Variants in KDM2B observed in about 807,000 individuals in gnomAD.
KDM2B encodes the protein lysine-specific demethylase 2B.
In KDM2B, 26 loss-of-function variants were observed where a neutral mutation model predicts 150.0. That is an observed-to-expected ratio of 0.17 (90% CI 0.13 to 0.24). The LOEUF is 0.24. Among genes scored for constraint, KDM2B ranks in the 10% least tolerant of loss-of-function variants. The probability of loss-of-function intolerance (pLI) is 1.00; values close to 1 mark genes in which losing one functional copy is unlikely to be tolerated. For missense variants in KDM2B, 1,265 were observed against 1,816.9 expected (o/e 0.70, Z 5.52); for synonymous variants, 734 against 729.5 (o/e 1.01, Z -0.10).
chr12:121,460,942 T>G (rs1879028752), intron 12 of KDM2B, among the ~76,000 whole-genome samples: 2 of 152,026 alleles, frequency 1.3e-5, no homozygotes, highest in Admixed American at 1.3e-4. Context: ...CATCTACAAG[T>G]GAGGAAACTG....
intron 11 of KDM2B, among the ~76,000 whole-genome samples, chr12:121,499,043 T>C (rs1392219560): frequency 6.6e-6 from 1 of 151,802 alleles, no homozygotes; most frequent in African/African-American, 2.4e-5. Flanking sequence ...ATTCCTACGG[T>C]CAACTGATCC....
At chr12:121,446,266 C>T (rs1007499655) in intron 13 of KDM2B, among the ~76,000 whole-genome samples, 13 of 152,142 alleles carry the variant, frequency 8.5e-5, no homozygotes, top group South Asian at 2.1e-4. Flanking sequence ...GGCGTGGTGG[C>T]GGGCGCCTGT....
At chr12:121,542,459 G>A (rs1555309912) in intron 6 of KDM2B, among the ~76,000 whole-genome samples, 1 of 152,216 alleles carries the variant, frequency 6.6e-6, no homozygotes, top group African/African-American at 2.4e-5. Flanking sequence ...CCTAACACAA[G>A]CTTATAAGAG....
chr12:121,531,872 C>A (rs979776776), intron 8 of KDM2B, among the ~76,000 whole-genome samples: 37 of 152,146 alleles, frequency 2.4e-4, no homozygotes, highest in African/African-American at 8.7e-4. Context: ...GAGGGAGAAT[C>A]CCTTGAGGCC....
rs376801952 is a variant in KDM2B, at chr12:121,567,098, C to T, written c.397+7449G>A. On this transcript the variant is annotated intron_variant, in intron 4 of 22. Transcript: ENST00000377071. ...CGAGGTTTTACCATGTTGGCCAGGCCGGTCTCAAACTCCTGACCTCTGTGG... is the reference window on the plus strand; with the variant it reads ...CGAGGTTTTACCATGTTGGCCAGGCTGGTCTCAAACTCCTGACCTCTGTGG... Among the ~76,000 whole-genome samples, 31 of 152,048 alleles carry T rather than the reference C, an allele frequency of 2.0e-4. No individual in the cohort carries two copies. In the East Asian group the frequency reaches 3.3e-3, roughly 16 times the overall value.
At chr12:121,423,515 T>C in the KDM2B span, 1 of 1,614,214 alleles carries the variant, frequency 6.2e-7, no homozygotes, top group Non-Finnish European at 8.5e-7. The surrounding 1 kb of genome is among the most constrained non-coding windows in gnomAD (Gnocchi z 4.3). Context: ...GGCAAGCGCA[T>C]GAGTGAGTGT....
rs182554432 is a variant in KDM2B at position 121,452,454 on chromosome 12, C to T, written c.1959+666G>A. Among the ~76,000 whole-genome samples the T allele has an allele frequency of 2.0e-4, 30 of 152,344 alleles. No individual in the cohort carries two copies. In the East Asian group the frequency reaches 5.4e-3, roughly 27 times the overall value. ...GGCCGAGGAATCCCGTCCCTCCAGC[C>T]GAGCCTGCTTTTCCACGGGGACTGG... On this transcript the variant is annotated intron_variant, in intron 13 of 22. Coordinates refer to ENST00000377071, the MANE Select transcript of KDM2B (RefSeq NM_032590.5). This position sits in a 1 kb window ranked among gnomAD's most constrained non-coding sequence, Gnocchi z 4.4.
At chr12:121,561,477 G>A (rs963868257) in intron 4 of KDM2B, among the ~76,000 whole-genome samples, 5 of 152,176 alleles carry the variant, frequency 3.3e-5, no homozygotes, top group African/African-American at 4.8e-5. Flanking sequence ...CGAGTGATAC[G>A]CCCGCCTCAG....
At chr12:121,484,866 G>A (rs1489484502) in intron 12 of KDM2B, among the ~76,000 whole-genome samples, 4 of 151,968 alleles carry the variant, frequency 2.6e-5, no homozygotes, top group Admixed American at 6.6e-5. Flanking sequence ...AAAGAAGATG[G>A]AGAATCACTG....
chr12:121,548,915 C>A lies in KDM2B; in HGVS notation c.645G>T (p.Thr215=), dbSNP rs372240270. 20 of 1,614,068 alleles carry A rather than the reference C, an allele frequency of 1.2e-5. No homozygotes were observed. The highest frequency in any genetic ancestry group is 1.2e-4 in the Admixed American group (7 of 60,000). ...GGTACTTCATCTCTGCAATGGCGTT[C>A]GTGGCTTCTGTCTGCTTCTCCTTCA... ...QHLKEKQTEA[T]NAIAEMKYPK... The change falls in exon 6 of 23, where the codon ACG becomes ACT. Residue 215 remains threonine, a synonymous_variant. Coordinates refer to ENST00000377071, the MANE Select transcript of KDM2B (RefSeq NM_032590.5).
Position 121,580,864 on chromosome 12 carries a change from T to A in KDM2B, c.48A>T (p.Arg16=). Residue 16 remains arginine, a synonymous_variant, in exon 1 of 23, where the codon CGA becomes CGT. Transcript: ENST00000377071. The stretch of plus-strand genomic sequence containing the variant: ...TTTGCTTTTCTGCTGCATGTCTTTT[T>A]CGTGGGGGGTGATCCTCTGCAGATC... The part of the protein sequence containing the change: ...MGGSAEDHPP[R]KRHAAEKQKK... The A allele has an allele frequency of 6.2e-7, 1 of 1,614,142 alleles. No individual in the cohort carries two copies. Among genetic ancestry groups the A allele is most frequent in the Non-Finnish European group, 8.5e-7 (1 of 1,180,008 alleles).
At position 121,580,937 on chromosome 12, in the gene KDM2B, G is replaced by A; in HGVS notation, c.-26C>T. ...GTGGAGGAGGCATTTGGGGGGCTCA[G>A]AAGGAAATTAGCTCGGCTTCCATAC... On this transcript the variant is annotated 5_prime_UTR_variant, in exon 1 of 23. Transcript: ENST00000377071. The A allele has an allele frequency of 3.1e-6, 5 of 1,611,102 alleles. No homozygotes were observed. The South Asian group carries it at 5.5e-5, about 18-fold the overall frequency.
the KDM2B span, chr12:121,420,790 T>G: frequency 6.3e-7 from 1 of 1,591,996 alleles, no homozygotes; most frequent in Non-Finnish European, 8.6e-7. Context: ...TAGGTTTATC[T>G]TTTCATTTTT....
At chr12:121,556,221 G>A (rs554901865) in intron 4 of KDM2B, among the ~76,000 whole-genome samples, 6 of 151,884 alleles carry the variant, frequency 4.0e-5, no homozygotes, top group East Asian at 1.9e-4. Flanking sequence ...CACTGCACTC[G>A]GCCTGTTTTT....
At chr12:121,552,604 T>G (rs1889585073) in intron 4 of KDM2B, among the ~76,000 whole-genome samples, 1 of 136,316 alleles carries the variant, frequency 7.3e-6, no homozygotes, top group African/African-American at 2.8e-5. Context: ...ACCCAGGAGG[T>G]GGAGGTTGCA....
At chr12:121,458,901 C>T (rs1222381360) in intron 12 of KDM2B, among the ~76,000 whole-genome samples, 1 of 151,768 alleles carries the variant, frequency 6.6e-6, no homozygotes, top group African/African-American at 2.4e-5. Context: ...TCCTGCTCAA[C>T]CTGGTGAAAC....
rs782124823 is a variant in KDM2B at position 121,443,001 on chromosome 12, G to A, written c.2595C>T (p.Phe865=). 1.9e-6 allele frequency: 3 copies of A among 1,613,450 alleles called. No individual in the cohort carries two copies. Among genetic ancestry groups the A allele is most frequent in the Admixed American group, 1.7e-5 (1 of 59,926 alleles). Residue 865 remains phenylalanine (F), a synonymous_variant, in exon 18 of 23, where the codon TTC becomes TTT. Transcript: ENST00000377071. ...GAGGGGAAGATGGTACCTTTTTCCT[G>A]AAAAGCTTATCTTCTTTGCCAGGTT... ...QLKPGKEDKL[F]RKKRRSWKNA... is the part of the protein sequence containing the mutation.
At chr12:121,559,563 C>T (rs1890182936) in intron 4 of KDM2B, among the ~76,000 whole-genome samples, 1 of 152,092 alleles carries the variant, frequency 6.6e-6, no homozygotes, top group Non-Finnish European at 1.5e-5. Context: ...ACCAGGGAGG[C>T]AGGAGATGTA....
rs577699342 is a variant in KDM2B, at chr12:121,492,725, A to G, written c.1734+1854T>C. 2.6e-5 allele frequency among the ~76,000 whole-genome samples: 4 copies of G among 151,388 alleles called. No individual in the cohort carries two copies. In the East Asian group the frequency reaches 8.1e-4, roughly 31 times the overall value. On this transcript the variant is annotated intron_variant, in intron 12 of 22. Transcript: ENST00000377071. ...GTGCCTGTAATCCCAGCTACTCAGG[A>G]GACTGAGGCAGGAGAATCGCTTGAA...
Sources: gnomAD v4.1 joint callset for allele counts (sites outside exome capture counted in the v4.1 genomes callset) on GRCh38, gnomAD v4.1.1 for gene constraint, Gnocchi (gnomAD v3.1) non-coding constraint, MANE v1.5 for transcripts, NCBI Gene and HGNC (gene_info 2026-07-23, HGNC 2026-07-21) for gene names.